TP63: variants seen among roughly 807,000 people sequenced by gnomAD.
TP63 encodes the protein tumor protein p63, also known as tumor protein 63.
TP63 carries 17 observed loss-of-function variants against 82.8 expected under a neutral mutation model. The ratio of observed to expected loss-of-function variants is 0.21; its 90% CI spans 0.14 to 0.31. The LOEUF is 0.31. TP63 is among the 10% of genes least tolerant of loss of function. The pLI is 1.00. For synonymous variants in TP63, 330 were observed against 321.7 expected (o/e 1.03, Z -0.28); for missense variants, 648 against 895.3 (o/e 0.72, Z 3.52).
intron 1 of TP63, among the ~76,000 whole-genome samples, chr3:189,683,940 A>G (rs1287591626): frequency 6.6e-6 from 1 of 152,194 alleles, no homozygotes; most frequent in Non-Finnish European, 1.5e-5. Context: ...AGATTCAGTA[A>G]GGTTTTACAT....
At chr3:189,833,108 G>A (rs561978593) in intron 4 of TP63, among the ~76,000 whole-genome samples, 1 of 152,168 alleles carries the variant, frequency 6.6e-6, no homozygotes, top group South Asian at 2.1e-4. Flanking sequence ...TCCTCACTTT[G>A]CCTCCACCAC....
intron 1 of TP63, among the ~76,000 whole-genome samples, chr3:189,655,354 G>A (rs191505358): frequency 1.8e-4 from 27 of 152,276 alleles, no homozygotes; most frequent in African/African-American, 6.5e-4. Flanking sequence ...AGTGGGCGTG[G>A]TGGCTCACAT....
chr3:189,684,136 C>T (rs1716211692), intron 1 of TP63, among the ~76,000 whole-genome samples: 1 of 152,134 alleles, frequency 6.6e-6, no homozygotes, highest in African/African-American at 2.4e-5. Context: ...ACAGAGATTA[C>T]TCAAAAGAAA....
chr3:189,867,824 T>C lies in TP63; in HGVS notation c.883-9T>C. 1 of 1,612,922 alleles carries C rather than the reference T, an allele frequency of 6.2e-7. No individual in the cohort carries two copies. Among genetic ancestry groups the C allele is most frequent in the Non-Finnish European group, 8.5e-7 (1 of 1,178,966 alleles). On this transcript the variant is annotated splice_polypyrimidine_tract_variant and intron_variant, in intron 6 of 13. Transcript: ENST00000264731. Reference sequence around the variant, plus strand: ...TTGTTAACACAGATTATTTACCCCTTGTTTTCAGGTTGGCACTGAATTCAC... The same window carrying C: ...TTGTTAACACAGATTATTTACCCCTCGTTTTCAGGTTGGCACTGAATTCAC...
chr3:189,765,343 C>A (rs1282371824), intron 3 of TP63, among the ~76,000 whole-genome samples: 5 of 147,538 alleles, frequency 3.4e-5, no homozygotes, highest in African/African-American at 1.3e-4. Context: ...TTAATCTCAT[C>A]AAGTAACATT....
chr3:189,704,242 G>A (rs951091337), intron 1 of TP63, among the ~76,000 whole-genome samples: 1 of 152,258 alleles, frequency 6.6e-6, no homozygotes, highest in African/African-American at 2.4e-5. Context: ...AAAAGGTTAA[G>A]TAGTAAGGTG....
chr3:189,850,517 T>A (rs1715486711), intron 4 of TP63, among the ~76,000 whole-genome samples: 1 of 152,130 alleles, frequency 6.6e-6, no homozygotes. Context: ...CATGGATAAA[T>A]CTGGGAAGCA....
Position 189,649,346 on chromosome 3 carries a change from A to G in TP63, c.62+17769A>G, listed in dbSNP as rs928912469. 5.4e-5 allele frequency among the ~76,000 whole-genome samples: 8 copies of G among 147,026 alleles called. 1 individual carries two copies. Among genetic ancestry groups the G allele is most frequent in the Admixed American group, 5.4e-4 (8 of 14,922 alleles). On this transcript the variant is annotated intron_variant, in intron 1 of 13. Transcript: ENST00000264731. ...AGGAACATGGATAGAACTGGAGGCTATTATTCTTAGCAAACTGATGCAGGA... is the reference window on the plus strand; with the variant it reads ...AGGAACATGGATAGAACTGGAGGCTGTTATTCTTAGCAAACTGATGCAGGA...
At chr3:189,829,441 G>A (rs999119015) in intron 4 of TP63, among the ~76,000 whole-genome samples, 1 of 152,164 alleles carries the variant, frequency 6.6e-6, no homozygotes, top group African/African-American at 2.4e-5. Flanking sequence ...TTCCCTATAT[G>A]TCTACTGGAT....
chr3:189,745,466 C>T (rs993202198), intron 3 of TP63, among the ~76,000 whole-genome samples: 15 of 151,934 alleles, frequency 9.9e-5, no homozygotes, highest in Admixed American at 2.6e-4. Context: ...CCCAGAACTT[C>T]GGGAGGCTGA....
intron 3 of TP63, among the ~76,000 whole-genome samples, chr3:189,739,785 C>A (rs202045918): frequency 7.9e-6 from 1 of 126,494 alleles, no homozygotes; most frequent in Non-Finnish European, 1.7e-5. Context: ...GGTGGGTTTT[C>A]TTTTTTTTTT....
intron 1 of TP63, among the ~76,000 whole-genome samples, chr3:189,642,484 C>A (rs747834938): frequency 6.6e-6 from 1 of 151,980 alleles, no homozygotes; most frequent in Non-Finnish European, 1.5e-5. Flanking sequence ...GGGGCCAATG[C>A]GCATAGGTTC....
At position 189,686,833 on chromosome 3, in the gene TP63, C is replaced by T. The variant is rs933602594; in HGVS notation, c.63-50907C>T. 5.3e-5 allele frequency among the ~76,000 whole-genome samples: 8 copies of T among 150,936 alleles called. No individual in the cohort carries two copies. The South Asian group carries it at 8.4e-4, about 16-fold the overall frequency. ...GCAACCTCTGCCACCCAGGTTCAAG[C>T]GATTCTCCTGCCTCAGCCTCCCGAG... On this transcript the variant is annotated intron_variant, in intron 1 of 13. Coordinates refer to ENST00000264731, the MANE Select transcript of TP63 (RefSeq NM_003722.5).
intron 1 of TP63, among the ~76,000 whole-genome samples, chr3:189,676,803 GA>G (rs1437517677): frequency 1.7e-4 from 26 of 152,094 alleles, no homozygotes; most frequent in Admixed American, 3.3e-4. Flanking sequence ...TGCTTTTCAT[GA>G]GAATCTAACT....
At chr3:189,711,455 G>T (rs977518654) in intron 1 of TP63, among the ~76,000 whole-genome samples, 1 of 152,186 alleles carries the variant, frequency 6.6e-6, no homozygotes, top group Non-Finnish European at 1.5e-5. Flanking sequence ...GGTGAGTGCT[G>T]ATGAGTGGTC....
intron 12 of TP63, among the ~76,000 whole-genome samples, chr3:189,890,277 A>C (rs1577205015): frequency 6.6e-6 from 1 of 152,286 alleles, no homozygotes; most frequent in East Asian, 1.9e-4. Context: ...TCAGACCAGC[A>C]CCAAAAGGAA....
At chr3:189,737,662 T>A (rs1720693782) in intron 1 of TP63, 78 bp from the exon 2 acceptor site, 2 of 1,508,372 alleles carry the variant, frequency 1.3e-6, no homozygotes, top group Non-Finnish European at 1.8e-6. Context: ...GTTTTCATGA[T>A]AGAGTATGCT....
chr3:189,660,608 G>C (rs1713787845), intron 1 of TP63, among the ~76,000 whole-genome samples: 1 of 152,024 alleles, frequency 6.6e-6, no homozygotes, highest in African/African-American at 2.4e-5. Flanking sequence ...AAATGACTTT[G>C]GTAGTTTGAT....
chr3:189,790,388 T>G (rs1253372322), intron 3 of TP63, among the ~76,000 whole-genome samples: 1 of 152,060 alleles, frequency 6.6e-6, no homozygotes, highest in Non-Finnish European at 1.5e-5. Flanking sequence ...GTTTCTGTCG[T>G]CTGGAGGGTG....
Sources: allele counts gnomAD v4.1 joint callset (sites outside exome capture counted in the v4.1 genomes callset), GRCh38; gene constraint gnomAD v4.1.1; transcripts MANE v1.5; gene names NCBI Gene and HGNC (gene_info 2026-07-23, HGNC 2026-07-21).